The following ARB2A variants were observed in gnomAD, a reference collection of about 807,000 sequenced individuals.
ARB2A encodes the protein cotranscriptional regulator ARB2A.
At chr5:93,726,752 T>C in the ARB2A span, among the ~76,000 whole-genome samples, 1 of 151,982 alleles carries the variant, frequency 6.6e-6, no homozygotes, top group African/African-American at 2.4e-5. Flanking sequence ...CTGAAATGAG[T>C]AGATTATATT....
the ARB2A span, chr5:94,053,311 T>G: frequency 3.9e-3 from 2,910 of 742,052 alleles, 69 homozygotes; most frequent in African/African-American, 0.047. Context: ...ATTTAAAGTA[T>G]TCTTTGTTCT....
At chr5:94,019,647 A>T in the ARB2A span, among the ~76,000 whole-genome samples, 1 of 152,220 alleles carries the variant, frequency 6.6e-6, no homozygotes, top group Non-Finnish European at 1.5e-5. Context: ...CCTGGAGAGG[A>T]TGTGGAGAAA....
chr5:93,988,192 G>A, the ARB2A span, among the ~76,000 whole-genome samples: 2 of 152,146 alleles, frequency 1.3e-5, no homozygotes, highest in East Asian at 3.9e-4. Flanking sequence ...AAATCTTACT[G>A]TATCTAACAG....
chr5:93,672,657 A>T, the ARB2A span, among the ~76,000 whole-genome samples: 52 of 152,156 alleles, frequency 3.4e-4, no homozygotes, highest in Non-Finnish European at 6.0e-4. Flanking sequence ...AATGAGATAA[A>T]GAAGAAAAAA....
At chr5:93,630,765 CCT>C in the ARB2A span, among the ~76,000 whole-genome samples, 3 of 152,042 alleles carry the variant, frequency 2.0e-5, no homozygotes, top group African/African-American at 7.2e-5. Context: ...CACAAAATGC[CCT>C]CTCTACCAAA....
At chr5:93,759,381 C>A in the ARB2A span, among the ~76,000 whole-genome samples, 4 of 152,118 alleles carry the variant, frequency 2.6e-5, no homozygotes, top group African/African-American at 9.7e-5. Context: ...AAGGAACCCT[C>A]CCTAATTCAT....
the ARB2A span, among the ~76,000 whole-genome samples, chr5:93,814,769 A>G: frequency 6.6e-6 from 1 of 152,216 alleles, no homozygotes; most frequent in Non-Finnish European, 1.5e-5. Flanking sequence ...ATTATCTTTA[A>G]TAACAATTTT....
chr5:93,937,168 C>T, the ARB2A span, among the ~76,000 whole-genome samples: 24 of 151,348 alleles, frequency 1.6e-4, no homozygotes, highest in East Asian at 3.7e-3. Context: ...CCACCGCGCC[C>T]GGCCAATTAT....
At chr5:93,800,958 CAT>C in the ARB2A span, among the ~76,000 whole-genome samples, 1,697 of 152,156 alleles carry the variant, frequency 0.011, 15 homozygotes, top group Non-Finnish European at 0.016. Context: ...GAACTACGAA[CAT>C]GTGAAAAATT....
chr5:93,857,110 C>G, the ARB2A span, among the ~76,000 whole-genome samples: 1 of 152,126 alleles, frequency 6.6e-6, no homozygotes, highest in Admixed American at 6.5e-5. Flanking sequence ...TTTCACGAAC[C>G]GCGAATGCTG....
chr5:93,672,261 T>C, the ARB2A span, among the ~76,000 whole-genome samples: 2 of 152,102 alleles, frequency 1.3e-5, no homozygotes, highest in Non-Finnish European at 2.9e-5. Context: ...AACCATCTTT[T>C]GGCAGTAGTC....
the ARB2A span, among the ~76,000 whole-genome samples, chr5:93,866,433 C>T: frequency 6.6e-6 from 1 of 152,122 alleles, no homozygotes; most frequent in Non-Finnish European, 1.5e-5. Context: ...TAAACATACA[C>T]ATATACACCC....
At chr5:93,925,763 T>C in the ARB2A span, among the ~76,000 whole-genome samples, 1 of 152,132 alleles carries the variant, frequency 6.6e-6, no homozygotes, top group African/African-American at 2.4e-5. Flanking sequence ...CAACATATCT[T>C]ACCACCTAAG....
chr5:94,072,932 C>T, the ARB2A span, among the ~76,000 whole-genome samples: 9 of 152,072 alleles, frequency 5.9e-5, no homozygotes, highest in African/African-American at 2.2e-4. Flanking sequence ...CTGCTTTAAC[C>T]CCGCTCATCT....
the ARB2A span, among the ~76,000 whole-genome samples, chr5:93,704,662 T>G: frequency 3.9e-5 from 6 of 152,222 alleles, no homozygotes; most frequent in African/African-American, 1.4e-4. Context: ...GCACTGCTAT[T>G]ACTCTGGCTC....
chr5:93,761,590 C>A, the ARB2A span, among the ~76,000 whole-genome samples: 1 of 152,196 alleles, frequency 6.6e-6, no homozygotes, highest in Admixed American at 6.5e-5. Flanking sequence ...CACCTCAGCT[C>A]AAGGAGGCCT....
the ARB2A span, among the ~76,000 whole-genome samples, chr5:94,086,346 G>A: frequency 1.3e-5 from 2 of 152,148 alleles, no homozygotes; most frequent in African/African-American, 4.8e-5. Context: ...GGCCCCATAG[G>A]ATTATAAGGA....
the ARB2A span, among the ~76,000 whole-genome samples, chr5:93,782,448 T>A: frequency 6.6e-6 from 1 of 152,214 alleles, no homozygotes; most frequent in African/African-American, 2.4e-5. Context: ...ATTATTGATT[T>A]ACCTAGCCAG....
chr5:93,774,224 TC>T, the ARB2A span, among the ~76,000 whole-genome samples: 1 of 152,226 alleles, frequency 6.6e-6, no homozygotes, highest in African/African-American at 2.4e-5. Flanking sequence ...TCCTGGGGCC[TC>T]CCTGTTCCTT....
Sources: allele counts gnomAD v4.1 joint callset (sites outside exome capture counted in the v4.1 genomes callset), GRCh38; gene constraint gnomAD v4.1.1; transcripts MANE v1.5; gene names NCBI Gene and HGNC (gene_info 2026-07-23, HGNC 2026-07-21).